OAS2: variants seen among roughly 807,000 people sequenced by gnomAD.
OAS2 encodes the protein 2'-5'-oligoadenylate synthetase 2.
In OAS2, 67 loss-of-function variants were observed where a neutral mutation model predicts 71.3. The ratio of observed to expected loss-of-function variants is 0.94; its 90% CI spans 0.77 to 1.15. The LOEUF is 1.15. Among genes scored for constraint, OAS2 ranks in the 50% most tolerant of loss-of-function variants. The probability of loss-of-function intolerance (pLI) is 0.00; values close to 1 mark genes in which losing one functional copy is unlikely to be tolerated. For missense variants in OAS2, 789 were observed against 822.5 expected (o/e 0.96, Z 0.50); for synonymous variants, 327 against 321.8 (o/e 1.02, Z -0.17).
chr12:112,981,064 G>A (rs1565988192), intron 1 of OAS2, among the ~76,000 whole-genome samples: 1 of 152,002 alleles, frequency 6.6e-6, no homozygotes, highest in Admixed American at 6.6e-5. Context: ...TAATGGGATG[G>A]GTTGTTTTCT....
At chr12:112,991,113 T>G (rs1016801834) in intron 2 of OAS2, among the ~76,000 whole-genome samples, 1 of 152,220 alleles carries the variant, frequency 6.6e-6, no homozygotes, top group Non-Finnish European at 1.5e-5. Flanking sequence ...TGGCCTTCCC[T>G]GAGCTCCTCA....
Position 112,997,525 on chromosome 12 carries a change from G to C in OAS2, c.633G>C (p.Gln211His), listed in dbSNP as rs2044244545. The change falls in exon 4 of 10, where the codon CAG (glutamine) becomes CAC (histidine). Residue 211 changes from glutamine (Q) to histidine (H), a missense_variant. Gln to His is a conservative substitution (Grantham distance 24). Coordinates refer to ENST00000392583, the MANE Select transcript of OAS2 (RefSeq NM_002535.3). ...LLIKHWHQQC[Q>H]KKIKDLPSLS... Reference sequence around the variant, plus strand: ...ACCCTTTCCTTATCCCACAGTGCCAGAAAAAAATCAAGGATTTACCCTCGC... The same window carrying C: ...ACCCTTTCCTTATCCCACAGTGCCACAAAAAAATCAAGGATTTACCCTCGC... 6.2e-7 allele frequency: 1 copy of C among 1,613,214 alleles called. No homozygotes were observed. The highest frequency in any genetic ancestry group is 8.5e-7 in the Non-Finnish European group (1 of 1,179,498).
intron 2 of OAS2, among the ~76,000 whole-genome samples, chr12:112,994,078 G>C (rs1350314041): frequency 1.3e-5 from 2 of 152,008 alleles, no homozygotes; most frequent in African/African-American, 4.8e-5. Context: ...AGGAACCTCA[G>C]ACCTCTCAAA....
At position 112,987,120 on chromosome 12, in the gene OAS2, T is replaced by A. The variant is rs778963162; in HGVS notation, c.260T>A (p.Phe87Tyr). Residue 87 changes from phenylalanine (F) to tyrosine (Y), a missense_variant, in exon 2 of 10, where the codon TTC becomes TAC. Coordinates refer to ENST00000392583, the MANE Select transcript of OAS2 (RefSeq NM_002535.3). Reference protein sequence around the residue: ...LVLFFSDLKQFQDQKRSQRDI... With the variant: ...LVLFFSDLKQYQDQKRSQRDI... ...CTCTTCTTCAGTGACTTAAAACAAT[T>A]CCAGGATCAGAAGAGAAGCCAACGT... The A allele has an allele frequency of 1.2e-6, 2 of 1,613,958 alleles. No homozygotes were observed. Among genetic ancestry groups the A allele is most frequent in the South Asian group, 1.1e-5 (1 of 91,076 alleles).
chr12:113,010,535 C>T lies in OAS2; in HGVS notation c.*1280C>T. The T allele has an allele frequency of 6.3e-7, 1 of 1,596,046 alleles. No homozygotes were observed. Among genetic ancestry groups the T allele is most frequent in the Non-Finnish European group, 8.5e-7 (1 of 1,174,476 alleles). ...GACTCGGCTCACCGTGAGAAAGAGTCACTCACATCCATTCTTCCCTTGATG... is the reference window on the plus strand; with the variant it reads ...GACTCGGCTCACCGTGAGAAAGAGTTACTCACATCCATTCTTCCCTTGATG... On this transcript the variant is annotated 3_prime_UTR_variant, in exon 10 of 10. Coordinates refer to ENST00000392583, the MANE Select transcript of OAS2 (RefSeq NM_002535.3).
chr12:113,007,110 C>A (rs1012038048), intron 8 of OAS2, among the ~76,000 whole-genome samples: 12 of 152,296 alleles, frequency 7.9e-5, no homozygotes, highest in Non-Finnish European at 1.6e-4. Context: ...TGAGCAGCAT[C>A]CCTAGTCTCT....
intron 1 of OAS2, among the ~76,000 whole-genome samples, chr12:112,979,626 T>C (rs1330072038): frequency 1.3e-5 from 2 of 152,154 alleles, no homozygotes; most frequent in South Asian, 2.1e-4. Context: ...AATTTTTTTT[T>C]CCTCATGGAA....
At position 112,999,952 on chromosome 12, in the gene OAS2, G is replaced by A. The variant is rs567847332; in HGVS notation, c.1008+1542G>A. Among the ~76,000 whole-genome samples, 102 of 152,052 alleles carry A rather than the reference G, an allele frequency of 6.7e-4. 3 individuals carry two copies. Among genetic ancestry groups the A allele is most frequent in the South Asian group, 5.4e-3 (26 of 4,810 alleles). On this transcript the variant is annotated intron_variant, in intron 5 of 9. Transcript: ENST00000392583. ...GATGGGGCTATAACTCGCTACATTG[G>A]CCAGGCTGGTCTCAAACTCCTGGGC...
chr12:112,988,119 T>A (rs912036651), intron 2 of OAS2: 1 of 985,130 alleles, frequency 1.0e-6, no homozygotes, highest in African/African-American at 1.7e-5. Context: ...ATACAAAACA[T>A]CTCCCACTAA....
intron 1 of OAS2, among the ~76,000 whole-genome samples, chr12:112,983,415 G>C (rs1304326587): frequency 4.6e-5 from 7 of 152,010 alleles, no homozygotes; most frequent in African/African-American, 1.7e-4. Flanking sequence ...AGTAGAGACG[G>C]GGTTTCACCA....
rs998457420 is a variant in OAS2 at position 112,995,620 on chromosome 12, A to G, written c.627+146A>G. The G allele has an allele frequency of 5.3e-6, 4 of 755,924 alleles. No individual in the cohort carries two copies. The African/African-American group carries it at 7.1e-5, about 13-fold the overall frequency. The allele number at this position is 755,924 out of a possible 1,614,324, so 46.8% of individuals were successfully genotyped here. A position where few individuals can be genotyped will look rare whatever the true frequency, so the allele number is the denominator to read the frequency against. Reference sequence around the variant, plus strand: ...AGCAACACCCAAATCAACATAGGGAACGTTTCGTGTACCCCAGAAGGTGCC... The same window carrying G: ...AGCAACACCCAAATCAACATAGGGAGCGTTTCGTGTACCCCAGAAGGTGCC... On this transcript the variant is annotated intron_variant, in intron 3 of 9. Transcript: ENST00000392583.
chr12:113,005,764 G>A (rs887481541), intron 7 of OAS2, among the ~76,000 whole-genome samples: 22 of 151,040 alleles, frequency 1.5e-4, no homozygotes, highest in African/African-American at 3.4e-4. Context: ...GGTGGCACAC[G>A]CCTGTAGTCC....
chr12:112,993,700 T>TAA (rs2044210942), intron 2 of OAS2, among the ~76,000 whole-genome samples: 2 of 148,322 alleles, frequency 1.3e-5, no homozygotes, highest in African/African-American at 2.5e-5. Context: ...GGCAACAGGC[T>TAA]TTTTTTTTTC....
intron 6 of OAS2, among the ~76,000 whole-genome samples, chr12:113,003,811 G>A (rs533020375): frequency 5.9e-5 from 9 of 152,326 alleles, no homozygotes; most frequent in East Asian, 3.9e-4. Flanking sequence ...TTATGTACGC[G>A]TAAATTTCTG....
rs545156024 is a variant in OAS2, at chr12:113,005,280, C to T, written c.1468+58C>T. Reference sequence around the variant, plus strand: ...TGGTGGACAGAAGGTGGAGGGAGAGCCACGTGACTTGATTACGGGCTCTGA... The same window carrying T: ...TGGTGGACAGAAGGTGGAGGGAGAGTCACGTGACTTGATTACGGGCTCTGA... On this transcript the variant is annotated intron_variant, in intron 7 of 9. Transcript: ENST00000392583. The T allele has an allele frequency of 2.6e-6, 4 of 1,530,258 alleles. No homozygotes were observed. In the African/African-American group the frequency reaches 5.5e-5, roughly 21 times the overall value. 94.8% of individuals were successfully genotyped at this position (1,530,258 alleles called of 1,614,324 possible). A position where few individuals can be genotyped will look rare whatever the true frequency, so the allele number is the denominator to read the frequency against.
At chr12:112,998,581 C>T (rs776141639) in intron 5 of OAS2, among the ~76,000 whole-genome samples, 171 bp downstream of exon 5, 8 of 152,216 alleles carry the variant, frequency 5.3e-5, no homozygotes, top group Non-Finnish European at 7.3e-5. Context: ...ACCATTCTGG[C>T]TATTACAAGT....
At chr12:113,003,621 TCTC>T (rs1228877319) in intron 6 of OAS2, among the ~76,000 whole-genome samples, 1 of 152,130 alleles carries the variant, frequency 6.6e-6, no homozygotes, top group African/African-American at 2.4e-5. Flanking sequence ...AGAATCTCCT[TCTC>T]CTTTGAGTGA....
intron 2 of OAS2, among the ~76,000 whole-genome samples, chr12:112,991,966 G>A (rs1301025379): frequency 6.6e-6 from 1 of 151,980 alleles, no homozygotes; most frequent in Non-Finnish European, 1.5e-5. Context: ...GAAGGTAAAT[G>A]GATGGAAAAA....
intron 1 of OAS2, among the ~76,000 whole-genome samples, chr12:112,986,326 T>C (rs1034516570): frequency 6.6e-6 from 1 of 152,070 alleles, no homozygotes; most frequent in Non-Finnish European, 1.5e-5. Flanking sequence ...CAAGATGACA[T>C]GTTCGGGTGC....
Sources: allele counts gnomAD v4.1 joint callset (sites outside exome capture counted in the v4.1 genomes callset), GRCh38; gene constraint gnomAD v4.1.1; transcripts MANE v1.5; gene names NCBI Gene and HGNC (gene_info 2026-07-23, HGNC 2026-07-21).